The following SMOC2 variants were observed in gnomAD, a reference collection of about 807,000 sequenced individuals.
The protein encoded by SMOC2 is SPARC related modular calcium binding 2.
Under a neutral mutation model 61.4 loss-of-function variants are expected in SMOC2, and 39 were observed. That is an observed-to-expected ratio of 0.64 (90% CI 0.49 to 0.83). The LOEUF (loss-of-function observed/expected upper bound fraction) is 0.83. Ranked by LOEUF, SMOC2 falls within the 40% of genes least tolerant of loss-of-function variation. The pLI is 0.00. For missense variants in SMOC2, 556 were observed against 592.9 expected (o/e 0.94, Z 0.65); for synonymous variants, 247 against 239.9 (o/e 1.03, Z -0.27).
intron 1 of SMOC2, among the ~76,000 whole-genome samples, chr6:168,476,843 G>A (rs1464492607): frequency 6.6e-6 from 1 of 151,414 alleles, no homozygotes; most frequent in Non-Finnish European, 1.5e-5. Context: ...CACTTCAAGG[G>A]ATTTTAATAC....
intron 4 of SMOC2, among the ~76,000 whole-genome samples, chr6:168,533,526 C>G (rs1783660314): frequency 6.6e-6 from 1 of 152,136 alleles, no homozygotes; most frequent in Admixed American, 6.5e-5. Flanking sequence ...AAAGGATCAC[C>G]CAGAATAATT....
rs142690745 is a variant in SMOC2, at chr6:168,470,441, C to T, written c.84+28987C>T. 4.7e-4 allele frequency among the ~76,000 whole-genome samples: 72 copies of T among 152,172 alleles called. 1 individual carries two copies. In the South Asian group the frequency reaches 0.013, roughly 27 times the overall value. On this transcript the variant is annotated intron_variant, in intron 1 of 12. Transcript: ENST00000356284. The stretch of plus-strand genomic sequence containing the variant: ...CTGTAATCCCAGCAGTCTGAGAGGC[C>T]GAGTCGGTGGGCTGCTTGAGTTCAA...
intron 11 of SMOC2, among the ~76,000 whole-genome samples, chr6:168,660,995 G>A (rs529677003): frequency 2.6e-5 from 4 of 152,110 alleles, no homozygotes; most frequent in South Asian, 2.1e-4. Flanking sequence ...GAATATGATC[G>A]CTCCTAGCAA....
intron 1 of SMOC2, among the ~76,000 whole-genome samples, chr6:168,494,179 C>CT: frequency 6.6e-6 from 1 of 152,292 alleles, no homozygotes; most frequent in East Asian, 1.9e-4. Context: ...TCTACACGCT[C>CT]TGAGTGCAAG....
At chr6:168,600,407 C>CAA (rs776962137) in intron 8 of SMOC2, among the ~76,000 whole-genome samples, 6 of 24,312 alleles carry the variant, frequency 2.5e-4, no homozygotes, top group East Asian at 1.7e-3. Context: ...AACTCTGCCT[C>CAA]AAAAAAAAAA....
At chr6:168,576,089 T>C (rs1456448539) in intron 7 of SMOC2, among the ~76,000 whole-genome samples, 7 of 152,096 alleles carry the variant, frequency 4.6e-5, no homozygotes, top group Non-Finnish European at 1.0e-4. Flanking sequence ...AGGTTGTGGT[T>C]GCTCAGATTT....
intron 4 of SMOC2, among the ~76,000 whole-genome samples, chr6:168,529,668 T>C (rs1783539658): frequency 1.3e-5 from 2 of 152,150 alleles, no homozygotes. Flanking sequence ...AATTTTGAAA[T>C]TGAAGGGAGA....
At chr6:168,564,311 A>G (rs1784494094) in intron 7 of SMOC2, among the ~76,000 whole-genome samples, 1 of 152,064 alleles carries the variant, frequency 6.6e-6, no homozygotes, top group Non-Finnish European at 1.5e-5. Flanking sequence ...TTTGCACCCC[A>G]TCTGCATGCC....
chr6:168,553,036 TTAA>T lies in SMOC2; in HGVS notation c.637+3834_637+3836del, dbSNP rs1185869895. Among the ~76,000 whole-genome samples, 2 of 152,178 alleles carry T rather than the reference TTAA, an allele frequency of 1.3e-5. No individual in the cohort carries two copies. The highest frequency in any genetic ancestry group is 2.9e-5 in the Non-Finnish European group (2 of 68,032). Reference sequence around the variant, plus strand: ...CCCTACTGTAGCATCATTACTCTTTTTAAAACAAGCTGAATGAAACAAACAAAA... The same window carrying T: ...CCCTACTGTAGCATCATTACTCTTTTAACAAGCTGAATGAAACAAACAAAA... On this transcript the variant is annotated intron_variant, in intron 7 of 12. Coordinates refer to ENST00000356284, the MANE Select transcript of SMOC2 (RefSeq NM_001166412.2). The surrounding 1 kb of genome is among the most constrained non-coding windows in gnomAD (Gnocchi z 4.2).
chr6:168,469,403 A>T (rs906855507), intron 1 of SMOC2, among the ~76,000 whole-genome samples: 14 of 152,214 alleles, frequency 9.2e-5, no homozygotes, highest in Admixed American at 8.5e-4. Context: ...TGCTAGGGGT[A>T]ATTTAGTGTG....
At chr6:168,587,274 A>G (rs1785066251) in intron 7 of SMOC2, among the ~76,000 whole-genome samples, 1 of 152,206 alleles carries the variant, frequency 6.6e-6, no homozygotes, top group African/African-American at 2.4e-5. Context: ...TTGTGAGACA[A>G]TTAGACAGGT....
Position 168,639,011 on chromosome 6 carries a change from C to T in SMOC2, c.908-11670C>T, listed in dbSNP as rs146691150. The stretch of plus-strand genomic sequence containing the variant: ...CATTTATTGTGTGTAGACCTGGCTT[C>T]GTTACAAATCTAGATGGAAAAAAGC... On this transcript the variant is annotated intron_variant, in intron 9 of 12. Coordinates refer to ENST00000356284, the MANE Select transcript of SMOC2 (RefSeq NM_001166412.2). 1.8e-4 allele frequency among the ~76,000 whole-genome samples: 27 copies of T among 152,180 alleles called. No homozygotes were observed. The East Asian group carries it at 4.1e-3, about 23-fold the overall frequency.
Position 168,441,241 on chromosome 6 carries a change from C to T in SMOC2, c.-130C>T. ...GCTGCTCCAGCCGGGCCGCCGGGAG[C>T]GGTGGGGAGAGCATCGCGGAGCCGC... On this transcript the variant is annotated 5_prime_UTR_variant, in exon 1 of 13. Transcript: ENST00000356284. 2.3e-6 allele frequency: 3 copies of T among 1,310,438 alleles called. No homozygotes were observed. The highest frequency in any genetic ancestry group is 2.8e-4 in the Middle Eastern group (1 of 3,576). The allele number at this position is 1,310,438 out of a possible 1,614,324, so 81.2% of individuals were successfully genotyped here. A position where few individuals can be genotyped will look rare whatever the true frequency, so the allele number is the denominator to read the frequency against.
chr6:168,511,138 TG>T (rs1480991530), intron 2 of SMOC2, among the ~76,000 whole-genome samples: 1 of 152,188 alleles, frequency 6.6e-6, no homozygotes, highest in Non-Finnish European at 1.5e-5. Flanking sequence ...TAAATGAAGA[TG>T]TATATATCAT....
Position 168,535,497 on chromosome 6 carries a change from C to T in SMOC2, c.463+7770C>T, listed in dbSNP as rs558647499. The stretch of plus-strand genomic sequence containing the variant: ...CTGCCATTGAATCAGGGTCTCAAAT[C>T]AGAAATCAGTAAATTCAGAACATTC... On this transcript the variant is annotated intron_variant, in intron 4 of 12. Coordinates refer to ENST00000356284, the MANE Select transcript of SMOC2 (RefSeq NM_001166412.2). The surrounding 1 kb of genome is among the most constrained non-coding windows in gnomAD (Gnocchi z 4.6). Among the ~76,000 whole-genome samples, 7 of 152,216 alleles carry T rather than the reference C, an allele frequency of 4.6e-5. No homozygotes were observed. The highest frequency in any genetic ancestry group is 1.7e-4 in the African/African-American group (7 of 41,548).
intron 2 of SMOC2, among the ~76,000 whole-genome samples, chr6:168,520,610 C>T (rs898657480): frequency 1.3e-5 from 2 of 152,232 alleles, no homozygotes; most frequent in East Asian, 3.8e-4. Flanking sequence ...GCTAGCTGCT[C>T]CTTCCATATC....
intron 1 of SMOC2, among the ~76,000 whole-genome samples, chr6:168,497,859 A>C (rs1028423401): frequency 6.6e-6 from 1 of 152,200 alleles, no homozygotes; most frequent in Non-Finnish European, 1.5e-5. Context: ...CTGAAGGGCT[A>C]TAGGTGACAT....
intron 7 of SMOC2, among the ~76,000 whole-genome samples, chr6:168,567,545 ATATC>A (rs1160183151): frequency 9.2e-5 from 14 of 152,110 alleles, no homozygotes; most frequent in Admixed American, 5.2e-4. Context: ...GCCACGTTGA[ATATC>A]TAGTATATGC....
intron 1 of SMOC2, among the ~76,000 whole-genome samples, chr6:168,487,042 G>A (rs1221599494): frequency 4.6e-5 from 7 of 152,208 alleles, no homozygotes; most frequent in Non-Finnish European, 8.8e-5. Flanking sequence ...TGAGAATTAA[G>A]TGACATGGCC....
Sources: gnomAD v4.1 joint callset for allele counts (sites outside exome capture counted in the v4.1 genomes callset) on GRCh38, gnomAD v4.1.1 for gene constraint, Gnocchi (gnomAD v3.1) non-coding constraint, MANE v1.5 for transcripts, NCBI Gene and HGNC (gene_info 2026-07-23, HGNC 2026-07-21) for gene names.